Variants in GALNTL6 observed in about 807,000 individuals in gnomAD.
The protein encoded by GALNTL6 is polypeptide N-acetylgalactosaminyltransferase like 6, also known as polypeptide N-acetylgalactosaminyltransferase-like 6.
GALNTL6 carries 46 observed loss-of-function variants against 73.7 expected under a neutral mutation model. The ratio of observed to expected loss-of-function variants is 0.62; its 90% CI spans 0.49 to 0.80. The LOEUF (loss-of-function observed/expected upper bound fraction) is 0.80, where lower values mean the gene tolerates loss of function less well. Ranked by LOEUF, GALNTL6 falls within the 30% of genes least tolerant of loss-of-function variation. GALNTL6 has a pLI of 0.00. For synonymous variants in GALNTL6, 259 were observed against 263.7 expected (o/e 0.98, Z 0.17); for missense variants, 604 against 755.0 (o/e 0.80, Z 2.34).
Position 172,494,537 on chromosome 4 carries a change from G to A in GALNTL6, c.553+145848G>A, listed in dbSNP as rs558866520. On this transcript the variant is annotated intron_variant, in intron 5 of 12. Coordinates refer to ENST00000506823, the MANE Select transcript of GALNTL6 (RefSeq NM_001034845.3). ...TTATTGAGTATTGACTCACATGGTC[G>A]CAAGGTGAAGTCCCACAATAGGCCT... Among the ~76,000 whole-genome samples the A allele has an allele frequency of 7.2e-5, 11 of 152,268 alleles. 1 individual carries two copies. The South Asian group carries it at 1.7e-3, about 23-fold the overall frequency.
rs867394382 is a variant in GALNTL6, at chr4:172,522,066, T to C, written c.553+173377T>C. On this transcript the variant is annotated intron_variant, in intron 5 of 12. Transcript: ENST00000506823. ...AATTTATATAAGCAGTTGGACTCAA[T>C]ATAGAGAATGTGTCCTTTTAAAATA... 8.0e-4 allele frequency among the ~76,000 whole-genome samples: 122 copies of C among 152,320 alleles called. 1 individual carries two copies. Among genetic ancestry groups the C allele is most frequent in the Middle Eastern group, 6.8e-3 (2 of 294 alleles).
chr4:172,531,883 C>T (rs185598716), intron 5 of GALNTL6, among the ~76,000 whole-genome samples: 5 of 152,268 alleles, frequency 3.3e-5, no homozygotes, highest in Admixed American at 1.3e-4. Flanking sequence ...CAGGAGGTGC[C>T]CCACGCATGG....
intron 5 of GALNTL6, among the ~76,000 whole-genome samples, chr4:172,496,009 C>G (rs1254468058): frequency 1.3e-5 from 2 of 152,156 alleles, no homozygotes; most frequent in African/African-American, 2.4e-5. Flanking sequence ...AAGTAATAAA[C>G]TATACCGTTT....
intron 2 of GALNTL6, among the ~76,000 whole-genome samples, chr4:171,841,971 T>C (rs932750404): frequency 1.3e-5 from 2 of 152,116 alleles, no homozygotes; most frequent in African/African-American, 4.8e-5. Context: ...CATGAAAGTA[T>C]GTATATTTCA....
At chr4:172,079,812 C>G (rs1432048895) in intron 2 of GALNTL6, among the ~76,000 whole-genome samples, 2 of 151,942 alleles carry the variant, frequency 1.3e-5, no homozygotes, top group Non-Finnish European at 2.9e-5. Context: ...TATTTACCTA[C>G]TGTCTATCAT....
chr4:172,237,463 A>T (rs939627563), intron 3 of GALNTL6, among the ~76,000 whole-genome samples: 1 of 152,152 alleles, frequency 6.6e-6, no homozygotes, highest in African/African-American at 2.4e-5. Context: ...AAAGTGTGTA[A>T]GTTCCTTATA....
At chr4:172,089,022 G>T (rs1340456750) in intron 2 of GALNTL6, among the ~76,000 whole-genome samples, 1 of 152,144 alleles carries the variant, frequency 6.6e-6, no homozygotes, top group East Asian at 1.9e-4. Flanking sequence ...AAAGAACATA[G>T]ATTACACTGA....
intron 5 of GALNTL6, among the ~76,000 whole-genome samples, chr4:172,500,085 T>A (rs969226046): frequency 6.6e-6 from 1 of 152,124 alleles, no homozygotes; most frequent in Non-Finnish European, 1.5e-5. Context: ...CCAAATATAA[T>A]AAATTCAAAG....
intron 2 of GALNTL6, among the ~76,000 whole-genome samples, chr4:172,154,680 A>T (rs1275934376): frequency 2.0e-5 from 3 of 152,226 alleles, no homozygotes; most frequent in Non-Finnish European, 4.4e-5. Context: ...GTCAGTACTG[A>T]AAACTGGCAG....
intron 5 of GALNTL6, among the ~76,000 whole-genome samples, chr4:172,374,413 T>C (rs1417058754): frequency 1.3e-5 from 2 of 152,168 alleles, no homozygotes; most frequent in Non-Finnish European, 2.9e-5. Context: ...TATCTGCAGC[T>C]GATTGGGTAA....
rs1738826484 is a variant in GALNTL6, at chr4:172,772,449, AT to A, written c.554-36907del. ...TCTAATTCTTATGATACATGAAAAC[AT>A]TTTTAGGAGAAATAAAAGCAAATAT... is the stretch of plus-strand genomic sequence containing the variant. On this transcript the variant is annotated intron_variant, in intron 5 of 12. Coordinates refer to ENST00000506823, the MANE Select transcript of GALNTL6 (RefSeq NM_001034845.3). Among the ~76,000 whole-genome samples the A allele has an allele frequency of 2.0e-5, 3 of 152,252 alleles. No individual in the cohort carries two copies. The South Asian group carries it at 6.2e-4, about 32-fold the overall frequency.
chr4:173,021,334 T>A lies in GALNTL6; in HGVS notation c.1489-142T>A, dbSNP rs145404244. On this transcript the variant is annotated intron_variant, in intron 11 of 12. Transcript: ENST00000506823. ...TATGACACGTGCCTTTTCCAACACC[T>A]CTGTTAGGCTGAGACTTAGCTCTTT... 3.3e-4 allele frequency: 271 copies of A among 809,100 alleles called. 1 individual carries two copies. The highest frequency in any genetic ancestry group is 4.8e-4 in the Non-Finnish European group (245 of 512,758). 50.1% of individuals were successfully genotyped at this position (809,100 alleles called of 1,614,324 possible).
At chr4:172,822,982 T>C (rs1659895278) in intron 7 of GALNTL6, among the ~76,000 whole-genome samples, 1 of 152,158 alleles carries the variant, frequency 6.6e-6, no homozygotes, top group Non-Finnish European at 1.5e-5. Flanking sequence ...TAGGATATAA[T>C]GCCCCACTCT....
intron 5 of GALNTL6, among the ~76,000 whole-genome samples, chr4:172,691,231 T>A (rs890325528): frequency 2.6e-5 from 4 of 152,046 alleles, no homozygotes; most frequent in Admixed American, 1.3e-4. Context: ...GAAATACTCA[T>A]CAAACAGCAA....
intron 7 of GALNTL6, among the ~76,000 whole-genome samples, chr4:172,831,225 A>G (rs941088669): frequency 1.3e-5 from 2 of 148,508 alleles, no homozygotes; most frequent in African/African-American, 5.0e-5. Context: ...TTATTTATTT[A>G]CCACGCAAAT....
intron 5 of GALNTL6, among the ~76,000 whole-genome samples, chr4:172,767,908 T>A (rs1245314990): frequency 6.6e-6 from 1 of 152,078 alleles, no homozygotes; most frequent in East Asian, 1.9e-4. Context: ...GACCTCATGA[T>A]CCGCCGGTGT....
intron 5 of GALNTL6, among the ~76,000 whole-genome samples, chr4:172,429,049 A>C (rs536931615): frequency 3.9e-5 from 6 of 152,076 alleles, no homozygotes; most frequent in Non-Finnish European, 8.8e-5. Flanking sequence ...ACGTCTTCTC[A>C]CTGTCTTCAC....
chr4:172,465,334 G>A (rs552374581), intron 5 of GALNTL6, among the ~76,000 whole-genome samples: 36 of 152,092 alleles, frequency 2.4e-4, no homozygotes, highest in East Asian at 7.8e-4. Context: ...AATATTAGCC[G>A]GGCATGGTGG....
At chr4:172,140,000 CTT>C (rs10569662) in intron 2 of GALNTL6, among the ~76,000 whole-genome samples, 79 of 149,170 alleles carry the variant, frequency 5.3e-4, no homozygotes, top group African/African-American at 1.7e-3. Flanking sequence ...TTTAAATAGT[CTT>C]TTTTTTTTTA....
Sources: gnomAD v4.1 joint callset for allele counts (sites outside exome capture counted in the v4.1 genomes callset) on GRCh38, gnomAD v4.1.1 for gene constraint, MANE v1.5 for transcripts, NCBI Gene and HGNC (gene_info 2026-07-23, HGNC 2026-07-21) for gene names.